PPFIA2: variants seen among roughly 807,000 people sequenced by gnomAD.
PPFIA2 encodes liprin-alpha-2.
In PPFIA2, 46 loss-of-function variants were observed where a neutral mutation model predicts 175.5. The ratio of observed to expected loss-of-function variants is 0.26; its 90% CI spans 0.21 to 0.34. The LOEUF (loss-of-function observed/expected upper bound fraction) is 0.34, where lower values mean the gene tolerates loss of function less well. Among genes scored for constraint, PPFIA2 ranks in the 10% least tolerant of loss-of-function variants. The pLI is 1.00. For missense variants in PPFIA2, 1,179 were observed against 1,506.1 expected (o/e 0.78, Z 3.60); for synonymous variants, 568 against 511.4 (o/e 1.11, Z -1.49).
chr12:81,717,030 A>G (rs922816869), intron 3 of PPFIA2, among the ~76,000 whole-genome samples: 65 of 151,822 alleles, frequency 4.3e-4, no homozygotes, highest in African/African-American at 1.5e-3. Flanking sequence ...TAATTGTAAG[A>G]ATCCATGAGA....
At chr12:81,620,279 G>T (rs1330754228) in intron 4 of PPFIA2, among the ~76,000 whole-genome samples, 1 of 151,290 alleles carries the variant, frequency 6.6e-6, no homozygotes, top group Non-Finnish European at 1.5e-5. Flanking sequence ...AAAAACAGAT[G>T]TATCAAAAGT....
At chr12:81,263,119 G>A in intron 31 of PPFIA2, 112 bp downstream of exon 31, 1 of 1,108,698 alleles carries the variant, frequency 9.0e-7, no homozygotes. Context: ...TAAATTTCAA[G>A]CAGAGCAAAC....
At chr12:81,267,336 A>T in intron 29 of PPFIA2, 1 of 406,174 alleles carries the variant, frequency 2.5e-6, no homozygotes, top group Non-Finnish European at 4.7e-6. Context: ...AACAAAATAA[A>T]AAGTGAAACG....
intron 4 of PPFIA2, among the ~76,000 whole-genome samples, chr12:81,546,671 C>T (rs1178231510): frequency 2.0e-5 from 3 of 151,916 alleles, no homozygotes; most frequent in Non-Finnish European, 4.4e-5. Flanking sequence ...CTTGGTCATG[C>T]CTGAACATTT....
intron 28 of PPFIA2, among the ~76,000 whole-genome samples, chr12:81,273,216 A>G (rs1460149737): frequency 3.3e-5 from 5 of 152,148 alleles, no homozygotes; most frequent in Admixed American, 6.6e-5. Flanking sequence ...CTAGAGGAGT[A>G]TTGTATAAAT....
chr12:81,490,162 GT>G (rs1274019760), intron 4 of PPFIA2, among the ~76,000 whole-genome samples: 3 of 151,892 alleles, frequency 2.0e-5, no homozygotes, highest in African/African-American at 7.2e-5. Context: ...AATTTACTAT[GT>G]TTGTGAATCC....
chr12:81,680,459 C>T lies in PPFIA2; in HGVS notation c.250-3615G>A, dbSNP rs2073399119. Among the ~76,000 whole-genome samples, 4 of 151,692 alleles carry T rather than the reference C, an allele frequency of 2.6e-5. No individual in the cohort carries two copies. The South Asian group carries it at 8.3e-4, about 32-fold the overall frequency. The stretch of plus-strand genomic sequence containing the variant: ...TCCAAACCTGTATTTTTTTAATTAC[C>T]AGTCCTAGTGAACAGTTTCACCCTG... On this transcript the variant is annotated intron_variant, in intron 3 of 32. Coordinates refer to ENST00000549396, the MANE Select transcript of PPFIA2 (RefSeq NM_003625.5).
rs201060101 is a variant in PPFIA2 at position 81,347,509 on chromosome 12, G to C, written c.2232+24C>G. 3 of 1,555,958 alleles carry C rather than the reference G, an allele frequency of 1.9e-6. No individual in the cohort carries two copies. In the African/African-American group the frequency reaches 4.1e-5, roughly 21 times the overall value. The stretch of plus-strand genomic sequence containing the variant: ...ATCATTAATCTTAACAGGAGGCAAA[G>C]GTTCTCTGGACACATCACCATACCA... On this transcript the variant is annotated intron_variant, in intron 18 of 32. Coordinates refer to ENST00000549396, the MANE Select transcript of PPFIA2 (RefSeq NM_003625.5).
intron 16 of PPFIA2, among the ~76,000 whole-genome samples, chr12:81,355,382 T>C (rs1448252566): frequency 1.3e-5 from 2 of 152,202 alleles, no homozygotes; most frequent in Non-Finnish European, 2.9e-5. Flanking sequence ...AGAGTAGATT[T>C]AGCAGAATTC....
intron 3 of PPFIA2, among the ~76,000 whole-genome samples, chr12:81,723,375 T>C (rs1342145860): frequency 6.6e-6 from 1 of 151,070 alleles, no homozygotes. Context: ...ATGACACATA[T>C]ACAATTAGTT....
At chr12:81,508,589 TC>T (rs1351108900) in intron 4 of PPFIA2, among the ~76,000 whole-genome samples, 2 of 147,470 alleles carry the variant, frequency 1.4e-5, no homozygotes, top group African/African-American at 2.5e-5. Flanking sequence ...GAGTTTACTT[TC>T]TTTTTTTTTC....
chr12:81,506,568 T>A (rs1034784295), intron 4 of PPFIA2, among the ~76,000 whole-genome samples: 2 of 152,226 alleles, frequency 1.3e-5, no homozygotes, highest in African/African-American at 4.8e-5. Context: ...ATTAAACACA[T>A]ATGTTAAGTT....
At chr12:81,402,345 A>T (rs1299580906) in intron 8 of PPFIA2, among the ~76,000 whole-genome samples, 1 of 111,224 alleles carries the variant, frequency 9.0e-6, no homozygotes, top group Non-Finnish European at 1.7e-5. Flanking sequence ...AGTTCTCAAT[A>T]AAAAAAAAAT....
intron 5 of PPFIA2, among the ~76,000 whole-genome samples, chr12:81,451,484 T>C (rs2052572857): frequency 6.6e-6 from 1 of 152,124 alleles, no homozygotes; most frequent in African/African-American, 2.4e-5. Flanking sequence ...GTGAGAAAAA[T>C]TTACAAAGCT....
At chr12:81,642,673 A>ATGTACG (rs1555549136) in intron 4 of PPFIA2, among the ~76,000 whole-genome samples, 3 of 28,414 alleles carry the variant, frequency 1.1e-4, no homozygotes, top group African/African-American at 2.7e-4. Flanking sequence ...ATATACATAC[A>ATGTACG]TGTATGTATC....
intron 4 of PPFIA2, among the ~76,000 whole-genome samples, chr12:81,631,696 C>T (rs1419470715): frequency 6.6e-6 from 1 of 152,200 alleles, no homozygotes; most frequent in African/African-American, 2.4e-5. Context: ...ACAGTGTCTA[C>T]TATTCAGTGT....
intron 4 of PPFIA2, among the ~76,000 whole-genome samples, chr12:81,656,250 C>CTTGAATT (rs1183893649): frequency 5.9e-5 from 9 of 151,968 alleles, no homozygotes; most frequent in Non-Finnish European, 1.0e-4. Context: ...CAAAAACATT[C>CTTGAATT]TTGAATTTTA....
intron 4 of PPFIA2, among the ~76,000 whole-genome samples, chr12:81,584,945 TA>T (rs1224512709): frequency 1.7e-5 from 2 of 115,060 alleles, no homozygotes; most frequent in African/African-American, 6.9e-5. Context: ...ATATATTATA[TA>T]TTAATTATAT....
chr12:81,559,337 T>C (rs905018395), intron 4 of PPFIA2, among the ~76,000 whole-genome samples: 2 of 152,230 alleles, frequency 1.3e-5, no homozygotes, highest in African/African-American at 4.8e-5. Flanking sequence ...TGTGTGCACA[T>C]ATAATAGTTA....
Sources: gnomAD v4.1 joint callset for allele counts (sites outside exome capture counted in the v4.1 genomes callset) on GRCh38, gnomAD v4.1.1 for gene constraint, MANE v1.5 for transcripts, NCBI Gene and HGNC (gene_info 2026-07-23, HGNC 2026-07-21) for gene names.